NOX3: variants seen among roughly 807,000 people sequenced by gnomAD.
The protein encoded by NOX3 is NADPH oxidase 3.
In NOX3, 74 loss-of-function variants were observed where a neutral mutation model predicts 76.7. The ratio of observed to expected loss-of-function variants is 0.96; its 90% CI spans 0.80 to 1.17. The LOEUF (loss-of-function observed/expected upper bound fraction) is 1.17, where lower values mean the gene tolerates loss of function less well. Among genes scored for constraint, NOX3 ranks in the 50% most tolerant of loss-of-function variants. The pLI is 0.00. For missense variants in NOX3, 695 were observed against 703.3 expected (o/e 0.99, Z 0.13); for synonymous variants, 263 against 261.1 (o/e 1.01, Z -0.07).
At position 155,428,889 on chromosome 6, in the gene NOX3, G is replaced by C; in HGVS notation, c.1050C>G (p.Ser350Arg). The change falls in exon 9 of 14, where the codon AGC becomes AGG. Residue 350 changes from serine to arginine, a missense_variant. Transcript: ENST00000159060. ...AGTCTCCTGCTGCCCGGATGTGCACGCTGAAAAAGTCCTCCTGGGGGGCAG... is the reference window on the plus strand; with the variant it reads ...AGTCTCCTGCTGCCCGGATGTGCACCCTGAAAAAGTCCTCCTGGGGGGCAG... ...LTSAPQEDFF[S>R]VHIRAAGDWT... The C allele has an allele frequency of 6.2e-7, 1 of 1,613,576 alleles. No homozygotes were observed. The highest frequency in any genetic ancestry group is 8.5e-7 in the Non-Finnish European group (1 of 1,179,702).
intron 4 of NOX3, among the ~76,000 whole-genome samples, chr6:155,448,210 T>C (rs576466302): frequency 2.0e-5 from 3 of 152,290 alleles, no homozygotes; most frequent in African/African-American, 7.2e-5. Context: ...GCTGTGTGGC[T>C]CCTGTGTCTT....
intron 6 of NOX3, among the ~76,000 whole-genome samples, chr6:155,438,246 T>C (rs531512021): frequency 4.6e-5 from 7 of 152,196 alleles, no homozygotes; most frequent in South Asian, 4.2e-4. Context: ...ACTGACAGTC[T>C]CTGAGTTGGA....
chr6:155,432,409 G>C lies in NOX3; in HGVS notation c.799-1474C>G, dbSNP rs114152630. 1.5e-3 allele frequency among the ~76,000 whole-genome samples: 187 copies of C among 121,924 alleles called. 3 individuals carry two copies. The East Asian group carries it at 0.044, about 29-fold the overall frequency. 80.0% of individuals were successfully genotyped at this position (121,924 alleles called of 152,430 possible). A position where few individuals can be genotyped will look rare whatever the true frequency, so the allele number is the denominator to read the frequency against. ...TTACTCCTTGAATAGTATCTGGGGC[G>C]GGGGGTGGGGGCAGGAAGGATGTCT... On this transcript the variant is annotated intron_variant, in intron 7 of 13. Transcript: ENST00000159060.
chr6:155,450,527 G>A (rs1403814704), intron 4 of NOX3, among the ~76,000 whole-genome samples: 1 of 152,204 alleles, frequency 6.6e-6, no homozygotes, highest in Non-Finnish European at 1.5e-5. Flanking sequence ...GCAGCCAAGA[G>A]GCGTAAGGCA....
In NOX3 at chr6:155,440,071, C is replaced by T. The variant is rs1335863885; in HGVS notation, c.553G>A (p.Val185Ile). The T allele has an allele frequency of 1.9e-6, 3 of 1,613,994 alleles. No individual in the cohort carries two copies. The highest frequency in any genetic ancestry group is 2.5e-6 in the Non-Finnish European group (3 of 1,179,986). ...TCAGTTGACGAGGTCATGATCAAGA[C>T]TAAAGCCAGAGAGATCACCAGACCG... is the stretch of plus-strand genomic sequence containing the variant. The part of the protein sequence containing the change: ...VTGLVISLAL[V>I]LIMTSSTEFI... The change falls in exon 6 of 14, where the codon GTC becomes ATC. Residue 185 changes from valine (V) to isoleucine (I), a missense_variant. Coordinates refer to ENST00000159060, the MANE Select transcript of NOX3 (RefSeq NM_015718.3).
chr6:155,407,385 C>T, intron 11 of NOX3, 131 bp from the exon 12 acceptor site: 3 of 842,644 alleles, frequency 3.6e-6, no homozygotes, highest in Non-Finnish European at 5.3e-6. Flanking sequence ...ATGCTTATCA[C>T]TATTTGCAGA....
At chr6:155,439,916 A>C (rs1427146938) in intron 6 of NOX3, 40 bp downstream of exon 6, 2 of 1,560,878 alleles carry the variant, frequency 1.3e-6, no homozygotes, top group Non-Finnish European at 1.7e-6. Context: ...TGGGACTCTC[A>C]GAGATAAAAT....
chr6:155,453,578 C>G, intron 3 of NOX3, 90 bp from the exon 4 acceptor site: 2 of 1,004,398 alleles, frequency 2.0e-6, no homozygotes, highest in Non-Finnish European at 3.2e-6. Flanking sequence ...TCAGGCTCTG[C>G]CTCTAAACTG....
intron 12 of NOX3, among the ~76,000 whole-genome samples, chr6:155,398,954 C>T (rs897563450): frequency 3.9e-5 from 6 of 152,322 alleles, no homozygotes; most frequent in African/African-American, 7.2e-5. Flanking sequence ...TATTTTCCCA[C>T]GCGATGGCTA....
At chr6:155,447,194 G>A (rs938981874) in intron 4 of NOX3, among the ~76,000 whole-genome samples, 8 of 151,964 alleles carry the variant, frequency 5.3e-5, no homozygotes, top group African/African-American at 9.7e-5. Flanking sequence ...ACAGGCACAC[G>A]CCACCATGCC....
At chr6:155,448,385 G>A (rs1022378355) in intron 4 of NOX3, among the ~76,000 whole-genome samples, 3 of 152,110 alleles carry the variant, frequency 2.0e-5, no homozygotes, top group Non-Finnish European at 2.9e-5. Context: ...AGCTATGCGG[G>A]GGAGCTCTTC....
intron 13 of NOX3, among the ~76,000 whole-genome samples, chr6:155,396,557 A>G (rs890818695): frequency 6.6e-6 from 1 of 152,202 alleles, no homozygotes; most frequent in East Asian, 1.9e-4. Context: ...GACTTTTACA[A>G]TGTTTAAAAA....
At chr6:155,438,075 C>T (rs1776934414) in intron 6 of NOX3, among the ~76,000 whole-genome samples, 1 of 152,166 alleles carries the variant, frequency 6.6e-6, no homozygotes, top group Non-Finnish European at 1.5e-5. Context: ...TTCTACAATG[C>T]ACCAGGGTGT....
chr6:155,443,037 G>A (rs866291967), intron 5 of NOX3, among the ~76,000 whole-genome samples: 6 of 151,844 alleles, frequency 4.0e-5, no homozygotes, highest in Admixed American at 1.3e-4. Context: ...GTGTGTGTGT[G>A]TATATATATA....
intron 10 of NOX3, among the ~76,000 whole-genome samples, chr6:155,413,174 AG>A (rs944446950): frequency 2.0e-5 from 3 of 152,162 alleles, no homozygotes; most frequent in African/African-American, 7.2e-5. Flanking sequence ...CTTCATGAGA[AG>A]GGGACATTGG....
At chr6:155,412,764 C>G (rs1043335993) in intron 10 of NOX3, among the ~76,000 whole-genome samples, 2 of 152,156 alleles carry the variant, frequency 1.3e-5, no homozygotes, top group Non-Finnish European at 2.9e-5. Context: ...TCCATCCGTT[C>G]ACTGATTCAA....
chr6:155,446,835 G>T (rs942179241), intron 4 of NOX3, among the ~76,000 whole-genome samples: 1 of 151,912 alleles, frequency 6.6e-6, no homozygotes, highest in African/African-American at 2.4e-5. Context: ...TCTCCTCCTA[G>T]CTTTCTTTAA....
chr6:155,440,191 C>T (rs1366924395), intron 5 of NOX3, 54 bp from the exon 6 acceptor site: 11 of 1,374,838 alleles, frequency 8.0e-6, no homozygotes, highest in Non-Finnish European at 1.1e-5. Flanking sequence ...AACACCTTGA[C>T]ATTAAATATC....
intron 5 of NOX3, among the ~76,000 whole-genome samples, chr6:155,440,910 G>A (rs141460543): frequency 6.6e-6 from 1 of 152,206 alleles, no homozygotes; most frequent in African/African-American, 2.4e-5. Flanking sequence ...CAGTTCCCTT[G>A]GTAGTTGTTC....
Sources: gnomAD v4.1 joint callset for allele counts (sites outside exome capture counted in the v4.1 genomes callset) on GRCh38, gnomAD v4.1.1 for gene constraint, MANE v1.5 for transcripts, NCBI Gene and HGNC (gene_info 2026-07-23, HGNC 2026-07-21) for gene names.